Variants in ARNT observed in about 807,000 individuals in gnomAD.
ARNT encodes class E basic helix-loop-helix protein 2.
ARNT carries 30 observed loss-of-function variants against 105.0 expected under a neutral mutation model. The ratio of observed to expected loss-of-function variants is 0.29; its 90% confidence interval spans 0.21 to 0.39. ARNT has a LOEUF of 0.39. Among genes scored for constraint, ARNT ranks in the 10% least tolerant of loss-of-function variants. The pLI is 1.00. For synonymous variants in ARNT, 304 were observed against 344.0 expected, an observed-to-expected ratio of 0.88 and a Z score of 1.29; for missense variants, 748 against 978.7, an observed-to-expected ratio of 0.76 and a Z score of 3.15.
At chr1:150,847,420 C>T (rs1486342790) in intron 3 of ARNT, among the ~76,000 whole-genome samples, 7 of 68,454 alleles carry the variant, frequency 1.0e-4, no homozygotes, top group African/African-American at 2.5e-4. Flanking sequence ...AGCGAGACTC[C>T]GTCTCAAAAA....
intron 15 of ARNT, 70 bp downstream of exon 15, chr1:150,817,850 A>T (rs1656238757): frequency 7.8e-7 from 1 of 1,288,824 alleles, no homozygotes; most frequent in Non-Finnish European, 1.1e-6. Context: ...CCGAACAAAA[A>T]ATATATGGGA....
intron 14 of ARNT, among the ~76,000 whole-genome samples, chr1:150,820,592 A>AGCT (rs1362578189): frequency 2.0e-5 from 3 of 152,092 alleles, no homozygotes; most frequent in African/African-American, 7.2e-5. Flanking sequence ...GGGAGGTTCA[A>AGCT]GCTGCAGTGA....
chr1:150,830,013 G>C, intron 10 of ARNT, 33 bp from the exon 11 acceptor site: 2 of 1,606,744 alleles, frequency 1.2e-6, no homozygotes, highest in Non-Finnish European at 1.7e-6. Context: ...GGTTTAACGG[G>C]GACCTCCAAC....
chr1:150,837,541 CCTT>C (rs1391356169), intron 6 of ARNT, among the ~76,000 whole-genome samples: 1 of 152,130 alleles, frequency 6.6e-6, no homozygotes, highest in Non-Finnish European at 1.5e-5. Flanking sequence ...TTTTTCCCTA[CCTT>C]CTTCTATGAG....
intron 11 of ARNT, chr1:150,829,548 C>A: frequency 1.7e-6 from 1 of 585,920 alleles, no homozygotes; most frequent in Non-Finnish European, 3.2e-6. Flanking sequence ...CTTATCTATA[C>A]TTATGAAAAA....
chr1:150,852,369 TAGAC>T (rs1353901122), intron 3 of ARNT, among the ~76,000 whole-genome samples: 4 of 151,974 alleles, frequency 2.6e-5, no homozygotes, highest in Admixed American at 1.3e-4. Flanking sequence ...AAAAAACACA[TAGAC>T]AGAAATACCC....
intron 21 of ARNT, chr1:150,812,722 G>T (rs1262758002): frequency 6.5e-6 from 1 of 153,564 alleles, no homozygotes; most frequent in Non-Finnish European, 1.4e-5. Context: ...TAATCATTCT[G>T]TCTCTTTTAA....
At chr1:150,871,392 C>T (rs1436956572) in intron 1 of ARNT, among the ~76,000 whole-genome samples, 1 of 150,046 alleles carries the variant, frequency 6.7e-6, no homozygotes, top group Non-Finnish European at 1.5e-5. Context: ...CCACCACCTT[C>T]CAGGTTCAAG....
intron 3 of ARNT, among the ~76,000 whole-genome samples, chr1:150,850,816 C>G (rs1293118806): frequency 6.6e-6 from 1 of 151,930 alleles, no homozygotes; most frequent in Non-Finnish European, 1.5e-5. Context: ...TTCCCGGCCG[C>G]CATCCCGTCT....
chr1:150,836,139 C>T, intron 7 of ARNT, 141 bp downstream of exon 7: 2 of 688,400 alleles, frequency 2.9e-6, no homozygotes, highest in East Asian at 5.5e-5. Context: ...ATAAAAAGAA[C>T]TGACTATATT....
At chr1:150,859,525 T>C (rs1325605784) in intron 1 of ARNT, among the ~76,000 whole-genome samples, 4 of 150,516 alleles carry the variant, frequency 2.7e-5, no homozygotes, top group Non-Finnish European at 5.9e-5. Context: ...TTTTTTTTTC[T>C]TTTTTTTTCT....
chr1:150,833,653 CCT>C (rs1659742141), intron 8 of ARNT, among the ~76,000 whole-genome samples: 2 of 151,876 alleles, frequency 1.3e-5, no homozygotes, highest in African/African-American at 2.4e-5. Context: ...ACTTTGTGAC[CCT>C]GAGATGCCTT....
chr1:150,864,953 C>T (rs1340643841), intron 1 of ARNT, among the ~76,000 whole-genome samples: 1 of 147,840 alleles, frequency 6.8e-6, no homozygotes, highest in African/African-American at 2.5e-5. Flanking sequence ...CAAGAGAAAG[C>T]TTTGAATGCC....
rs1654736563 is a variant in ARNT at position 150,811,511 on chromosome 1, T to C, written c.*510A>G. On this transcript the variant is annotated 3_prime_UTR_variant, in exon 22 of 22. Transcript: ENST00000358595. ...ACACTCTCTCTCACTTACTCACATGTTTCTTTCCAGAGGGACTGCTCACAG... is the reference window on the plus strand; with the variant it reads ...ACACTCTCTCTCACTTACTCACATGCTTCTTTCCAGAGGGACTGCTCACAG... The C allele has an allele frequency of 8.6e-6, 2 of 233,438 alleles. No homozygotes were observed. The highest frequency in any genetic ancestry group is 1.2e-4 in the East Asian group (2 of 16,688). 14.5% of individuals were successfully genotyped at this position (233,438 alleles called of 1,614,324 possible).
chr1:150,874,249 C>T (rs899974495), intron 1 of ARNT, among the ~76,000 whole-genome samples: 1 of 152,104 alleles, frequency 6.6e-6, no homozygotes, highest in Non-Finnish European at 1.5e-5. Flanking sequence ...CAACAGGCTA[C>T]TGAAAAAATC....
chr1:150,858,609 C>A, intron 1 of ARNT, 149 bp from the exon 2 acceptor site: 2 of 558,764 alleles, frequency 3.6e-6, no homozygotes, highest in Non-Finnish European at 3.1e-6. Flanking sequence ...CCAGATTGCT[C>A]TTCTTGATTT....
intron 20 of ARNT, 80 bp downstream of exon 20, chr1:150,813,997 A>G: frequency 6.5e-7 from 1 of 1,536,480 alleles, no homozygotes; most frequent in Non-Finnish European, 8.9e-7. Context: ...CCCACAACAC[A>G]GGCAAACAAC....
intron 12 of ARNT, among the ~76,000 whole-genome samples, chr1:150,828,800 T>G (rs1000042944): frequency 2.6e-5 from 4 of 152,214 alleles, no homozygotes; most frequent in Non-Finnish European, 5.9e-5. Flanking sequence ...GTAGCTATAC[T>G]GGTATAACTA....
intron 13 of ARNT, among the ~76,000 whole-genome samples, chr1:150,824,825 T>A (rs751191450): frequency 6.6e-6 from 1 of 152,160 alleles, no homozygotes; most frequent in African/African-American, 2.4e-5. Context: ...AGTCTTGTTT[T>A]GCTTTTATTT....
Sources: allele counts gnomAD v4.1 joint callset (sites outside exome capture counted in the v4.1 genomes callset), GRCh38; gene constraint gnomAD v4.1.1; transcripts MANE v1.5; gene names NCBI Gene and HGNC (gene_info 2026-07-23, HGNC 2026-07-21).